KCNH5: variants seen among roughly 807,000 people sequenced by gnomAD.
KCNH5 encodes potassium voltage-gated channel subfamily H member 5.
A neutral mutation model predicts 96.1 loss-of-function variants in KCNH5; 46 were observed. The observed-to-expected ratio is 0.48, with a 90% CI of 0.38 to 0.61. The LOEUF (loss-of-function observed/expected upper bound fraction) is 0.61. Among genes scored for constraint, KCNH5 ranks in the 20% least tolerant of loss-of-function variants. The pLI, the probability that KCNH5 is intolerant of heterozygous loss-of-function variation, is 0.00. For missense variants in KCNH5, 907 were observed against 1,225.8 expected, an observed-to-expected ratio of 0.74 and a Z score of 3.88; for synonymous variants, 439 against 449.8, an observed-to-expected ratio of 0.98 and a Z score of 0.30.
intron 1 of KCNH5, among the ~76,000 whole-genome samples, chr14:63,038,313 G>A (rs1045415473): frequency 6.6e-6 from 1 of 152,146 alleles, no homozygotes; most frequent in African/African-American, 2.4e-5. Context: ...GTCTTTTTAA[G>A]ATATGACCCA....
chr14:62,883,572 A>G (rs960844345), intron 7 of KCNH5, among the ~76,000 whole-genome samples: 2 of 152,140 alleles, frequency 1.3e-5, no homozygotes, highest in Non-Finnish European at 1.5e-5. Context: ...AAAAATTGAA[A>G]TTCATATCAC....
intron 7 of KCNH5, among the ~76,000 whole-genome samples, chr14:62,936,658 G>C (rs1171205634): frequency 8.0e-6 from 1 of 124,366 alleles, no homozygotes. Context: ...CTTGGTGATA[G>C]AGCGAGACCC....
At chr14:62,851,823 T>C (rs1203805848) in intron 7 of KCNH5, among the ~76,000 whole-genome samples, 1 of 152,136 alleles carries the variant, frequency 6.6e-6, no homozygotes, top group Non-Finnish European at 1.5e-5. Flanking sequence ...ATGCTTGCGA[T>C]ATGCTACATT....
chr14:62,737,404 A>C (rs763655121), intron 10 of KCNH5, among the ~76,000 whole-genome samples: 3 of 152,184 alleles, frequency 2.0e-5, no homozygotes, highest in Non-Finnish European at 4.4e-5. Flanking sequence ...CACTGGAGTC[A>C]TAATTCCTGG....
chr14:62,768,221 A>C (rs1055242144), intron 10 of KCNH5, among the ~76,000 whole-genome samples: 10 of 152,244 alleles, frequency 6.6e-5, no homozygotes, highest in African/African-American at 2.4e-4. Context: ...ATTATAAAAA[A>C]AATTAAAAAC....
intron 6 of KCNH5, among the ~76,000 whole-genome samples, chr14:62,975,979 G>A (rs1211268193): frequency 6.6e-6 from 1 of 151,232 alleles, no homozygotes; most frequent in African/African-American, 2.4e-5. Flanking sequence ...ATAGTATTAA[G>A]CAAACTAGAC....
chr14:62,910,899 CCACACACACACACACA>C (rs1555363113), intron 7 of KCNH5, among the ~76,000 whole-genome samples: 6 of 140,254 alleles, frequency 4.3e-5, no homozygotes, highest in African/African-American at 1.1e-4. Context: ...TGTGCATACA[CCACACACACACACACA>C]CACACACACA....
chr14:62,870,897 G>A (rs1258671038), intron 7 of KCNH5, among the ~76,000 whole-genome samples: 2 of 152,184 alleles, frequency 1.3e-5, no homozygotes, highest in Non-Finnish European at 2.9e-5. Context: ...AAGTTATGAA[G>A]TCAAGATTCC....
In KCNH5 at chr14:62,858,787, G is replaced by A. The variant is rs148378856; in HGVS notation, c.1370-8935C>T. ...TATGGGAGAAACAATACCATATATC[G>A]GATGCTGATTCAGAGCATACATGGC... On this transcript the variant is annotated intron_variant, in intron 7 of 10. Transcript: ENST00000322893. 4.5e-4 allele frequency among the ~76,000 whole-genome samples: 69 copies of A among 151,706 alleles called. 1 individual carries two copies. The highest frequency in any genetic ancestry group is 1.6e-3 in the African/African-American group (65 of 41,488).
At chr14:62,889,727 G>T (rs1888666614) in intron 7 of KCNH5, among the ~76,000 whole-genome samples, 2 of 152,122 alleles carry the variant, frequency 1.3e-5, no homozygotes, top group African/African-American at 4.8e-5. Context: ...CTCATTAAGT[G>T]CCATATTCTA....
At chr14:62,995,022 T>C (rs1890881000) in intron 4 of KCNH5, among the ~76,000 whole-genome samples, 1 of 152,082 alleles carries the variant, frequency 6.6e-6, no homozygotes, top group African/African-American at 2.4e-5. Flanking sequence ...TAATCATAGA[T>C]TGATTACAAG....
At chr14:62,814,890 T>C (rs1180644229) in intron 8 of KCNH5, among the ~76,000 whole-genome samples, 1 of 147,374 alleles carries the variant, frequency 6.8e-6, no homozygotes, top group Non-Finnish European at 1.5e-5. Context: ...TGAACATGCA[T>C]ATATTCAAAG....
At chr14:62,807,105 T>C (rs1336839428) in intron 8 of KCNH5, among the ~76,000 whole-genome samples, 1 of 152,262 alleles carries the variant, frequency 6.6e-6, no homozygotes, top group Non-Finnish European at 1.5e-5. Context: ...GCAATGCTTT[T>C]CTCTCTCTCC....
rs146896972 is a variant in KCNH5 at position 62,827,333 on chromosome 14, T to C, written c.1569+22320A>G. Among the ~76,000 whole-genome samples the C allele has an allele frequency of 3.8e-3, 572 of 152,282 alleles. 4 individuals carry two copies. The highest frequency in any genetic ancestry group is 6.3e-3 in the Non-Finnish European group (429 of 68,006). On this transcript the variant is annotated intron_variant, in intron 8 of 10. Transcript: ENST00000322893. Reference sequence around the variant, plus strand: ...GAGCATTGGCATCACCTTGCCTTGGTGCTTGTTAGAAACACAGATTCTTCA... The same window carrying C: ...GAGCATTGGCATCACCTTGCCTTGGCGCTTGTTAGAAACACAGATTCTTCA...
At chr14:62,896,296 A>G (rs1888810922) in intron 7 of KCNH5, among the ~76,000 whole-genome samples, 1 of 152,234 alleles carries the variant, frequency 6.6e-6, no homozygotes, top group South Asian at 2.1e-4. Context: ...GGACCTATAT[A>G]TGTTAACACA....
chr14:62,755,319 G>C (rs1004648211), intron 10 of KCNH5, among the ~76,000 whole-genome samples: 9 of 152,030 alleles, frequency 5.9e-5, no homozygotes, highest in African/African-American at 1.9e-4. Context: ...CATACCAATA[G>C]ATTGGAAAAC....
At chr14:62,749,155 C>G (rs1383194966) in intron 10 of KCNH5, among the ~76,000 whole-genome samples, 2 of 152,192 alleles carry the variant, frequency 1.3e-5, no homozygotes, top group Non-Finnish European at 2.9e-5. Context: ...AAAGTCTGTG[C>G]CCACTCAGTA....
intron 7 of KCNH5, among the ~76,000 whole-genome samples, chr14:62,891,035 A>T (rs1318994956): frequency 1.3e-5 from 2 of 152,176 alleles, no homozygotes; most frequent in Non-Finnish European, 2.9e-5. Context: ...TGCCATTCAA[A>T]CCAGCAATCC....
At chr14:62,982,453 TG>T (rs1446349700) in intron 5 of KCNH5, among the ~76,000 whole-genome samples, 1 of 152,238 alleles carries the variant, frequency 6.6e-6, no homozygotes, top group Non-Finnish European at 1.5e-5. Context: ...TCAACAGATT[TG>T]CCCATTGTAT....
Sources: gnomAD v4.1 joint callset for allele counts (sites outside exome capture counted in the v4.1 genomes callset) on GRCh38, gnomAD v4.1.1 for gene constraint, MANE v1.5 for transcripts, NCBI Gene and HGNC (gene_info 2026-07-23, HGNC 2026-07-21) for gene names.